PTPN22: variants seen among roughly 807,000 people sequenced by gnomAD.
PTPN22 encodes protein tyrosine phosphatase non-receptor type 22, also known as tyrosine-protein phosphatase non-receptor type 22.
Under a neutral mutation model 103.3 loss-of-function variants are expected in PTPN22, and 85 were observed. The ratio of observed to expected loss-of-function variants is 0.82; its 90% CI spans 0.69 to 0.99. PTPN22 has a LOEUF of 0.99. Ranked by LOEUF, PTPN22 falls within the 50% of genes least tolerant of loss-of-function variation. PTPN22 has a pLI of 0.00. For missense variants in PTPN22, 865 were observed against 936.9 expected (o/e 0.92, Z 1.00); for synonymous variants, 323 against 310.2 (o/e 1.04, Z -0.43).
chr1:113,847,927 C>A (rs1311386327), intron 11 of PTPN22, among the ~76,000 whole-genome samples: 2 of 151,744 alleles, frequency 1.3e-5, no homozygotes, highest in Non-Finnish European at 2.9e-5. Context: ...TTTGTAGAGA[C>A]AATTGCTATG....
In PTPN22 at chr1:113,834,857, G is replaced by A. The variant is rs539285356; in HGVS notation, c.1894+53C>T. The A allele has an allele frequency of 3.7e-6, 5 of 1,366,404 alleles. No homozygotes were observed. In the South Asian group the frequency reaches 5.2e-5, roughly 14 times the overall value. The allele number at this position is 1,366,404 out of a possible 1,614,324, so 84.6% of individuals were successfully genotyped here. A position where few individuals can be genotyped will look rare whatever the true frequency, so the allele number is the denominator to read the frequency against. ...CCCAAAGTGCTGGAATTAAAGGCAT[G>A]AGCCACCATGCCCATCCCACACTTT... On this transcript the variant is annotated intron_variant, in intron 14 of 20. Transcript: ENST00000359785.
chr1:113,844,311 G>A (rs1663861829), intron 11 of PTPN22, among the ~76,000 whole-genome samples: 2 of 152,126 alleles, frequency 1.3e-5, no homozygotes, highest in Non-Finnish European at 2.9e-5. Flanking sequence ...AAAATTAGCT[G>A]GCCATGGTGG....
In PTPN22 at chr1:113,830,002, G is replaced by C; in HGVS notation, c.2081C>G (p.Pro694Arg). The stretch of plus-strand genomic sequence containing the variant: ...TAGAGTTCTTTCTGGGAGAGGAGGT[G>C]GGGGAGAAGAACGATCTTGATGTAG... The change falls in exon 17 of 21, where the codon CCA becomes CGA. Residue 694 changes from proline (P) to arginine (R), a missense_variant. Transcript: ENST00000359785. The C allele has an allele frequency of 3.1e-6, 5 of 1,606,716 alleles. No homozygotes were observed. Among genetic ancestry groups the C allele is most frequent in the Non-Finnish European group, 4.3e-6 (5 of 1,173,658 alleles).
exon 14 of PTPN22, chr1:113,834,975 T>A: frequency 2.5e-6 from 4 of 1,569,424 alleles, no homozygotes; most frequent in Non-Finnish European, 3.4e-6. Context: ...GATTTCATCA[T>A]CTATCCTTGG....
chr1:113,848,614 G>A, exon 11 of PTPN22: 1 of 1,612,806 alleles, frequency 6.2e-7, no homozygotes, highest in Non-Finnish European at 8.5e-7. Context: ...TTGTAGACCA[G>A]TTCATATTGT....
At chr1:113,843,021 A>C in intron 11 of PTPN22, among the ~76,000 whole-genome samples, 4 of 128,542 alleles carry the variant, frequency 3.1e-5, no homozygotes, top group Non-Finnish European at 1.6e-5. Flanking sequence ...AATGGCGTGA[A>C]CCCGGGAGGC....
At chr1:113,842,208 T>TA (rs533459264) in intron 11 of PTPN22, among the ~76,000 whole-genome samples, 6 of 148,954 alleles carry the variant, frequency 4.0e-5, no homozygotes, top group Non-Finnish European at 6.0e-5. Context: ...AGACCCTGAC[T>TA]AAAAAAAAAG....
At chr1:113,862,137 C>T (rs773735379) in intron 1 of PTPN22, among the ~76,000 whole-genome samples, 4 of 151,992 alleles carry the variant, frequency 2.6e-5, no homozygotes, top group Non-Finnish European at 4.4e-5. Context: ...AAAAAATTAG[C>T]TGGGCATGGT....
At chr1:113,825,247 CTT>C (rs1282366238) in intron 18 of PTPN22, 75 bp from the exon 19 acceptor site, 11 of 932,746 alleles carry the variant, frequency 1.2e-5, no homozygotes, top group South Asian at 5.2e-5. Flanking sequence ...GAAATATAGA[CTT>C]AAGTGAAAAG....
At chr1:113,858,721 C>A in intron 3 of PTPN22, 148 bp from the exon 4 acceptor site, 1 of 709,614 alleles carries the variant, frequency 1.4e-6, no homozygotes, top group Non-Finnish European at 2.3e-6. Flanking sequence ...CTCACTGCAG[C>A]CTTGACCTCC....
intron 11 of PTPN22, among the ~76,000 whole-genome samples, chr1:113,844,828 T>C (rs1663907763): frequency 6.6e-6 from 1 of 152,220 alleles, no homozygotes; most frequent in Non-Finnish European, 1.5e-5. Flanking sequence ...AATTAGTTAA[T>C]TAATTTTTGA....
At chr1:113,824,966 CAAAAAAAAAAAA>C (rs35424386) in intron 19 of PTPN22, among the ~76,000 whole-genome samples, 164 bp downstream of exon 19, 1 of 65,152 alleles carries the variant, frequency 1.5e-5, no homozygotes, top group African/African-American at 5.9e-5. Flanking sequence ...TGAAGCCTAG[CAAAAAAAAAAAA>C]AAAAAAAAAA....
At chr1:113,843,741 C>A (rs978734536) in intron 11 of PTPN22, among the ~76,000 whole-genome samples, 4 of 152,146 alleles carry the variant, frequency 2.6e-5, no homozygotes, top group African/African-American at 9.7e-5. Flanking sequence ...TTTTCTATTT[C>A]CTAGTATAGA....
intron 7 of PTPN22, 33 bp from the exon 8 acceptor site, chr1:113,855,082 G>T (rs200100019): frequency 6.4e-7 from 1 of 1,571,454 alleles, no homozygotes; most frequent in Non-Finnish European, 8.7e-7. Flanking sequence ...AGGGGAAGAG[G>T]GGCAAGGGCT....
intron 20 of PTPN22, among the ~76,000 whole-genome samples, chr1:113,818,315 C>A (rs540622304): frequency 6.6e-6 from 1 of 151,864 alleles, no homozygotes; most frequent in Non-Finnish European, 1.5e-5. Flanking sequence ...GAGGCATGTA[C>A]CACCATGCCC....
chr1:113,864,911 C>CAA (rs1386880512), intron 1 of PTPN22, among the ~76,000 whole-genome samples: 1 of 101,776 alleles, frequency 9.8e-6, no homozygotes, highest in East Asian at 3.7e-4. Flanking sequence ...GACTCCGTCT[C>CAA]AAAAAAAAAA....
Position 113,856,363 on chromosome 1 carries a change from A to C in PTPN22, c.540+19T>G. 6.5e-7 allele frequency: 1 copy of C among 1,546,020 alleles called. No homozygotes were observed. The highest frequency in any genetic ancestry group is 8.7e-7 in the Non-Finnish European group (1 of 1,147,394). On this transcript the variant is annotated intron_variant, in intron 7 of 20. Transcript: ENST00000359785. ...ATCTCTATAGGCTTTTGAGTTTATC[A>C]TTCTTATTTTATACTTACACTATTG... is the stretch of plus-strand genomic sequence containing the variant.
intron 19 of PTPN22, among the ~76,000 whole-genome samples, chr1:113,820,951 CTTACTATA>C (rs1661542471): frequency 6.6e-6 from 1 of 151,058 alleles, no homozygotes. Context: ...TTATTTTGTA[CTTACTATA>C]TTACTATAGT....
At chr1:113,839,890 C>T (rs1325080337) in intron 11 of PTPN22, among the ~76,000 whole-genome samples, 1 of 138,712 alleles carries the variant, frequency 7.2e-6, no homozygotes, top group African/African-American at 3.0e-5. Context: ...TAATTTTGTT[C>T]TTAGGCAAGA....
Sources: allele counts gnomAD v4.1 joint callset (sites outside exome capture counted in the v4.1 genomes callset), GRCh38; gene constraint gnomAD v4.1.1; transcripts MANE v1.5; gene names NCBI Gene and HGNC (gene_info 2026-07-23, HGNC 2026-07-21).